Variants in ZNF385D observed in about 807,000 individuals in gnomAD.
ZNF385D encodes the protein zinc finger protein 659.
ZNF385D carries 15 observed loss-of-function variants against 35.8 expected under a neutral mutation model. That is an observed-to-expected ratio of 0.42 (90% CI 0.28 to 0.64). The LOEUF (loss-of-function observed/expected upper bound fraction) is 0.64, where lower values mean the gene tolerates loss of function less well. Among genes scored for constraint, ZNF385D ranks in the 30% least tolerant of loss-of-function variants. ZNF385D has a pLI of 0.23. For missense variants in ZNF385D, 474 were observed against 494.6 expected (o/e 0.96, Z 0.39); for synonymous variants, 212 against 186.8 (o/e 1.13, Z -1.10).
At position 22,091,530 on chromosome 3, in the gene ZNF385D, G is replaced by C. The variant is rs938442389; in HGVS notation, c.325+77287C>G. ...TTCGGCAGTGTCCACTGAACACTGT[G>C]TTCCTAGGAATGAAATACATGAGTA... On this transcript the variant is annotated intron_variant, in intron 3 of 5. Coordinates refer to the ZNF385D transcript ENST00000494108. Among the ~76,000 whole-genome samples, 16 of 152,128 alleles carry C rather than the reference G, an allele frequency of 1.1e-4. 1 individual carries two copies. The highest frequency in any genetic ancestry group is 1.0e-3 in the Admixed American group (16 of 15,268).
intron 3 of ZNF385D, among the ~76,000 whole-genome samples, chr3:22,092,562 T>C (rs1044529919): frequency 5.9e-5 from 9 of 152,164 alleles, no homozygotes; most frequent in Non-Finnish European, 1.3e-4. Flanking sequence ...CCCTCTCCAA[T>C]GAATCTGGAT....
At chr3:22,348,904 C>T (rs1232625376) in intron 2 of ZNF385D, among the ~76,000 whole-genome samples, 11 of 152,116 alleles carry the variant, frequency 7.2e-5, no homozygotes, top group Admixed American at 7.2e-4. Flanking sequence ...CAAACTAATA[C>T]AAGCATGTAG....
chr3:21,637,596 G>T (rs779172204), intron 2 of ZNF385D, among the ~76,000 whole-genome samples: 1 of 151,976 alleles, frequency 6.6e-6, no homozygotes, highest in Non-Finnish European at 1.5e-5. Flanking sequence ...TGCGGGTAGA[G>T]TCAGAGAGCC....
intron 2 of ZNF385D, among the ~76,000 whole-genome samples, chr3:22,194,868 T>C (rs1328812671): frequency 6.6e-6 from 1 of 151,922 alleles, no homozygotes; most frequent in African/African-American, 2.4e-5. Flanking sequence ...AGTATGAAGA[T>C]ACCACAATTT....
At chr3:21,980,266 T>C (rs1457947588) in intron 3 of ZNF385D, among the ~76,000 whole-genome samples, 2 of 152,176 alleles carry the variant, frequency 1.3e-5, no homozygotes, top group South Asian at 2.1e-4. Context: ...CACTGTCCAA[T>C]AACTTAACGG....
intron 3 of ZNF385D, among the ~76,000 whole-genome samples, chr3:21,909,164 T>C (rs1194419645): frequency 6.6e-6 from 1 of 152,118 alleles, no homozygotes; most frequent in Non-Finnish European, 1.5e-5. Flanking sequence ...GGTTGTGTCC[T>C]GTGAGACATA....
intron 3 of ZNF385D, among the ~76,000 whole-genome samples, chr3:21,557,363 T>G (rs1161629354): frequency 6.6e-6 from 1 of 152,216 alleles, no homozygotes; most frequent in Non-Finnish European, 1.5e-5. Context: ...ATTGAGAGTT[T>G]TCAGCATGAA....
intron 3 of ZNF385D, among the ~76,000 whole-genome samples, chr3:22,156,170 G>A (rs1430817518): frequency 6.6e-6 from 1 of 151,944 alleles, no homozygotes; most frequent in African/African-American, 2.4e-5. Flanking sequence ...AAATATAAAT[G>A]TACTTCTAGG....
chr3:21,846,522 G>A (rs970190917), intron 3 of ZNF385D, among the ~76,000 whole-genome samples: 9 of 151,990 alleles, frequency 5.9e-5, no homozygotes, highest in African/African-American at 2.2e-4. Context: ...TTTTGCCATA[G>A]CTGAGAGGTG....
At chr3:22,136,421 T>C (rs1025405075) in intron 3 of ZNF385D, among the ~76,000 whole-genome samples, 4 of 151,082 alleles carry the variant, frequency 2.6e-5, no homozygotes, top group Admixed American at 1.3e-4. Context: ...CTACATATCA[T>C]CAAAATTAAA....
intron 3 of ZNF385D, among the ~76,000 whole-genome samples, chr3:21,538,650 C>T (rs1463551219): frequency 6.6e-6 from 1 of 152,058 alleles, no homozygotes; most frequent in African/African-American, 2.4e-5. Context: ...TGTGTTACTT[C>T]CTAAACCTGC....
chr3:22,050,576 G>T (rs1237282420), intron 3 of ZNF385D, among the ~76,000 whole-genome samples: 2 of 152,074 alleles, frequency 1.3e-5, no homozygotes, highest in Admixed American at 6.6e-5. Flanking sequence ...TTGGTAGATT[G>T]TATGTATTGA....
intron 2 of ZNF385D, among the ~76,000 whole-genome samples, chr3:22,241,160 C>T (rs1158405045): frequency 1.3e-5 from 2 of 150,988 alleles, no homozygotes; most frequent in Non-Finnish European, 2.9e-5. Context: ...CTTAACTAGC[C>T]CAACTGTACT....
At chr3:21,933,240 C>G (rs1406147016) in intron 3 of ZNF385D, among the ~76,000 whole-genome samples, 1 of 152,208 alleles carries the variant, frequency 6.6e-6, no homozygotes, top group East Asian at 1.9e-4. Context: ...TCCCTCCACA[C>G]CTGAATCTTC....
intron 3 of ZNF385D, among the ~76,000 whole-genome samples, chr3:21,835,581 A>T (rs1695281698): frequency 6.6e-6 from 1 of 152,058 alleles, no homozygotes; most frequent in South Asian, 2.1e-4. Flanking sequence ...CAAATAATAA[A>T]TCTTAGCATA....
At chr3:22,008,397 G>T (rs988988742) in intron 3 of ZNF385D, among the ~76,000 whole-genome samples, 2 of 139,748 alleles carry the variant, frequency 1.4e-5, no homozygotes, top group South Asian at 2.2e-4. Context: ...CTGTTGCCCA[G>T]GTTGGAGTGC....
At chr3:22,321,616 C>G (rs185871580) in intron 2 of ZNF385D, among the ~76,000 whole-genome samples, 2 of 152,078 alleles carry the variant, frequency 1.3e-5, no homozygotes, top group Non-Finnish European at 2.9e-5. Flanking sequence ...CCACTCACCT[C>G]GGCCTCCCAA....
intron 3 of ZNF385D, among the ~76,000 whole-genome samples, chr3:22,031,158 T>C (rs1038567974): frequency 1.3e-5 from 2 of 152,198 alleles, no homozygotes; most frequent in African/African-American, 2.4e-5. Flanking sequence ...CTGCAGCTTT[T>C]CCAAGTGCAA....
At chr3:21,429,486 C>T (rs935450361) in intron 5 of ZNF385D, among the ~76,000 whole-genome samples, 5 of 151,962 alleles carry the variant, frequency 3.3e-5, no homozygotes, top group African/African-American at 9.7e-5. Flanking sequence ...CCCTTTATTT[C>T]CCTATATAAT....
Sources: gnomAD v4.1 joint callset for allele counts (sites outside exome capture counted in the v4.1 genomes callset) on GRCh38, gnomAD v4.1.1 for gene constraint, MANE v1.5 for transcripts, NCBI Gene and HGNC (gene_info 2026-07-23, HGNC 2026-07-21) for gene names.